The following FRMD5 variants were observed in gnomAD, a reference collection of about 807,000 sequenced individuals.
FRMD5 encodes FERM domain containing 5.
Under a neutral mutation model 69.0 loss-of-function variants are expected in FRMD5, and 20 were observed. The ratio of observed to expected loss-of-function variants is 0.29; its 90% confidence interval spans 0.20 to 0.42. The LOEUF (loss-of-function observed/expected upper bound fraction) is 0.42, where lower values mean the gene tolerates loss of function less well. Among genes scored for constraint, FRMD5 ranks in the 10% least tolerant of loss-of-function variants. The probability of loss-of-function intolerance (pLI) is 1.00; values close to 1 mark genes in which losing one functional copy is unlikely to be tolerated. For synonymous variants in FRMD5, 271 were observed against 260.1 expected (o/e 1.04, Z -0.40); for missense variants, 595 against 708.6 (o/e 0.84, Z 1.82).
chr15:43,917,575 G>A (rs956652555), intron 4 of FRMD5: 2 of 152,046 alleles, frequency 1.3e-5, no homozygotes, highest in Non-Finnish European at 2.9e-5. Flanking sequence ...AGTAGAGATG[G>A]GGCTTCACCA....
chr15:44,017,262 C>T (rs576482449), intron 1 of FRMD5, among the ~76,000 whole-genome samples: 8 of 151,522 alleles, frequency 5.3e-5, no homozygotes, highest in South Asian at 2.1e-4. Context: ...GGTGTGAACC[C>T]GGGAGGTGGA....
At chr15:43,902,333 T>G (rs572563350) in intron 6 of FRMD5, 71 bp from the exon 7 acceptor site, 2 of 1,264,932 alleles carry the variant, frequency 1.6e-6, no homozygotes, top group East Asian at 2.3e-5. Flanking sequence ...AAACTCTCTA[T>G]GAAGATGTGC....
At chr15:44,073,819 A>G (rs1365729926) in intron 1 of FRMD5, among the ~76,000 whole-genome samples, 1 of 152,144 alleles carries the variant, frequency 6.6e-6, no homozygotes, top group African/African-American at 2.4e-5. Context: ...TTAAAATCTA[A>G]TAGAATTTTG....
intron 1 of FRMD5, among the ~76,000 whole-genome samples, chr15:43,951,876 C>T (rs2090034889): frequency 6.6e-6 from 1 of 152,132 alleles, no homozygotes; most frequent in African/African-American, 2.4e-5. Flanking sequence ...ACAAATTCTC[C>T]CCTGACCAGG....
Position 44,163,478 on chromosome 15 carries a change from T to G in FRMD5, c.102+31475A>C, listed in dbSNP as rs534661524. The stretch of plus-strand genomic sequence containing the variant: ...AATGAATGTGGTCATGGTACACTTC[T>G]TTAGCTTTAACAGATTCATTACATT... On this transcript the variant is annotated intron_variant, in intron 1 of 13. Coordinates refer to ENST00000417257, the MANE Select transcript of FRMD5 (RefSeq NM_032892.5). Among the ~76,000 whole-genome samples, 3 of 152,340 alleles carry G rather than the reference T, an allele frequency of 2.0e-5. No homozygotes were observed. In the South Asian group the frequency reaches 6.2e-4, roughly 32 times the overall value.
intron 1 of FRMD5, among the ~76,000 whole-genome samples, chr15:44,154,427 C>T (rs2077494983): frequency 6.6e-6 from 1 of 151,930 alleles, no homozygotes; most frequent in African/African-American, 2.4e-5. Flanking sequence ...TGTTAACTTT[C>T]TTTATCGGCT....
intron 1 of FRMD5, among the ~76,000 whole-genome samples, chr15:43,990,755 A>T (rs1889636157): frequency 6.6e-6 from 1 of 152,154 alleles, no homozygotes; most frequent in South Asian, 2.1e-4. Context: ...AACAGGTAAG[A>T]GACTAAAAAA....
chr15:44,066,742 GA>G (rs1893328241), intron 1 of FRMD5, among the ~76,000 whole-genome samples: 1 of 152,164 alleles, frequency 6.6e-6, no homozygotes, highest in African/African-American at 2.4e-5. Context: ...AAGTGTGTAA[GA>G]AGAGTCCAAG....
At chr15:43,940,389 T>G (rs1023371349) in intron 1 of FRMD5, among the ~76,000 whole-genome samples, 2 of 152,124 alleles carry the variant, frequency 1.3e-5, no homozygotes, top group African/African-American at 2.4e-5. Flanking sequence ...ATGATTCCCT[T>G]GACTATCCAT....
In FRMD5 at chr15:44,077,881, C is replaced by T. The variant is rs534601024; in HGVS notation, c.102+117072G>A. 2.0e-5 allele frequency among the ~76,000 whole-genome samples: 3 copies of T among 152,176 alleles called. No homozygotes were observed. In the East Asian group the frequency reaches 5.8e-4, roughly 29 times the overall value. On this transcript the variant is annotated intron_variant, in intron 1 of 13. Coordinates refer to ENST00000417257, the MANE Select transcript of FRMD5 (RefSeq NM_032892.5). ...AAGATGAGAAGGACTTATCTAAAAG[C>T]TCTCATGATTTATACATCCTTAAAT...
intron 1 of FRMD5, among the ~76,000 whole-genome samples, chr15:43,988,468 G>GT (rs764357859): frequency 9.1e-5 from 13 of 142,908 alleles, no homozygotes; most frequent in African/African-American, 1.5e-4. Flanking sequence ...AAACATAAGT[G>GT]TTTTTTTTAT....
intron 1 of FRMD5, among the ~76,000 whole-genome samples, chr15:44,092,149 T>G (rs2140486985): frequency 6.6e-6 from 1 of 152,332 alleles, no homozygotes; most frequent in East Asian, 1.9e-4. Flanking sequence ...CTAGTCCCTC[T>G]GTTTTGGGAA....
At chr15:43,962,821 AATAG>A (rs1413654518) in intron 1 of FRMD5, among the ~76,000 whole-genome samples, 2 of 152,242 alleles carry the variant, frequency 1.3e-5, no homozygotes, top group Non-Finnish European at 2.9e-5. Flanking sequence ...TTCCCTATTT[AATAG>A]ATGGTGGTGG....
intron 1 of FRMD5, among the ~76,000 whole-genome samples, chr15:44,009,754 G>C (rs901761353): frequency 6.6e-6 from 1 of 152,130 alleles, no homozygotes; most frequent in Non-Finnish European, 1.5e-5. Flanking sequence ...TGTACTTCTA[G>C]GTACTAAGAG....
intron 1 of FRMD5, among the ~76,000 whole-genome samples, chr15:44,110,153 T>C (rs1171929628): frequency 2.0e-5 from 3 of 152,240 alleles, no homozygotes; most frequent in African/African-American, 7.2e-5. Context: ...GTTTTGACAA[T>C]TATGGATAAA....
At chr15:44,096,651 C>T (rs1368818527) in intron 1 of FRMD5, among the ~76,000 whole-genome samples, 2 of 152,098 alleles carry the variant, frequency 1.3e-5, no homozygotes, top group Non-Finnish European at 2.9e-5. Context: ...GATCCACCCG[C>T]CTCAGCTTCC....
At position 44,022,578 on chromosome 15, in the gene FRMD5, C is replaced by A. The variant is rs1035469361; in HGVS notation, c.103-98269G>T. 4.4e-4 allele frequency among the ~76,000 whole-genome samples: 41 copies of A among 93,524 alleles called. No individual in the cohort carries two copies. The South Asian group carries it at 0.018, about 42-fold the overall frequency. The allele number at this position is 93,524 out of a possible 152,430, so 61.4% of individuals were successfully genotyped here. On this transcript the variant is annotated intron_variant, in intron 1 of 13. Transcript: ENST00000417257. ...AACAGAGCAAGACTCTGTCCCCACT[C>A]CACCAGAAAAAAAAAAAAAAAAAAA...
chr15:44,053,231 C>T (rs970979732), intron 1 of FRMD5, among the ~76,000 whole-genome samples: 9 of 152,152 alleles, frequency 5.9e-5, no homozygotes, highest in African/African-American at 1.7e-4. Flanking sequence ...TAGGGGGATA[C>T]TGGCAAAAGA....
chr15:44,017,135 A>G (rs901199414), intron 1 of FRMD5, among the ~76,000 whole-genome samples: 5 of 151,936 alleles, frequency 3.3e-5, no homozygotes, highest in African/African-American at 7.2e-5. Context: ...TCAGGAGATC[A>G]AGACCATCCT....
Sources: allele counts gnomAD v4.1 joint callset (sites outside exome capture counted in the v4.1 genomes callset), GRCh38; gene constraint gnomAD v4.1.1; transcripts MANE v1.5; gene names NCBI Gene and HGNC (gene_info 2026-07-23, HGNC 2026-07-21).